The following MYO9B variants were observed in gnomAD, a reference collection of about 807,000 sequenced individuals.
The protein encoded by MYO9B is myosin IXB.
MYO9B carries 71 observed loss-of-function variants against 229.5 expected under a neutral mutation model. The ratio of observed to expected loss-of-function variants is 0.31; its 90% CI spans 0.26 to 0.38. MYO9B has a LOEUF of 0.38. Among genes scored for constraint, MYO9B ranks in the 10% least tolerant of loss-of-function variants. The pLI, the probability that MYO9B is intolerant of heterozygous loss-of-function variation, is 1.00. For missense variants in MYO9B, 2,255 were observed against 2,920.5 expected (o/e 0.77, Z 5.25); for synonymous variants, 1,185 against 1,235.8 (o/e 0.96, Z 0.86).
intron 2 of MYO9B, among the ~76,000 whole-genome samples, chr19:17,107,465 C>T (rs530338742): frequency 7.2e-5 from 11 of 152,148 alleles, no homozygotes; most frequent in Non-Finnish European, 1.6e-4. Context: ...GCCTCCACAG[C>T]GCCATCTCAC....
chr19:17,156,284 C>A (rs1483064038), intron 6 of MYO9B, among the ~76,000 whole-genome samples: 2 of 152,038 alleles, frequency 1.3e-5, no homozygotes, highest in African/African-American at 4.8e-5. Context: ...CATGGTGGTA[C>A]AAACCTGTAG....
In MYO9B at chr19:17,206,017, G is replaced by A. The variant is rs200219863; in HGVS notation, c.5122G>A (p.Asp1708Asn). Reference protein sequence around the residue: ...FGVCVDSLTSDKASVPIVLEK... With the variant: ...FGVCVDSLTSNKASVPIVLEK... ...CGTGTGCGTAGACAGCCTGACCAGC[G>A]ACAAGGCCTCGGTGCCCATCGTGCT... Residue 1708 changes from aspartate to asparagine, a missense_variant, in exon 32 of 40, where the codon GAC becomes AAC. Physicochemically the swap from Asp to Asn is conservative, Grantham distance 23. Around this residue, in one of 7 missense-constraint regions of MYO9B, gnomAD observed 416 missense variants for 605.5 expected, o/e 0.69. Coordinates refer to ENST00000682292, the MANE Select transcript of MYO9B (RefSeq NM_004145.4). 4.4e-6 allele frequency: 7 copies of A among 1,606,416 alleles called. No individual in the cohort carries two copies. The highest frequency in any genetic ancestry group is 2.2e-5 in the East Asian group (1 of 44,686).
At chr19:17,150,607 C>T (rs1013002068) in intron 3 of MYO9B, among the ~76,000 whole-genome samples, 1 of 99,240 alleles carries the variant, frequency 1.0e-5, no homozygotes, top group Non-Finnish European at 2.8e-5. Flanking sequence ...TGTGATAGAC[C>T]GGCCCCACCA....
At chr19:17,119,946 C>T (rs547505260) in intron 2 of MYO9B, among the ~76,000 whole-genome samples, 20 of 152,286 alleles carry the variant, frequency 1.3e-4, no homozygotes, top group African/African-American at 4.6e-4. Context: ...TTGCGCCCGG[C>T]CAAGCTCGGG....
rs1046733841 is a variant in MYO9B, at chr19:17,205,075, C to A, written c.4991-188C>A. On this transcript the variant is annotated intron_variant, in intron 30 of 39. Coordinates refer to ENST00000682292, the MANE Select transcript of MYO9B (RefSeq NM_004145.4). ...CCGAGGCAGGAGAATCACTTGAACC[C>A]GGGAGGCGGAGGTTGCAGTGAGCCG... 4.0e-5 allele frequency among the ~76,000 whole-genome samples: 6 copies of A among 151,262 alleles called. 1 individual carries two copies. Among genetic ancestry groups the A allele is most frequent in the Admixed American group, 4.0e-4 (6 of 15,148 alleles).
intron 8 of MYO9B, among the ~76,000 whole-genome samples, chr19:17,160,970 A>G (rs891145006): frequency 6.7e-6 from 1 of 150,236 alleles, no homozygotes; most frequent in Non-Finnish European, 1.5e-5. Context: ...AAATGCTGGG[A>G]TTACAGGCGT....
In MYO9B at chr19:17,211,710, C is replaced by G. The variant is rs766710845; in HGVS notation, c.5994C>G (p.Asp1998Glu). The G allele has an allele frequency of 2.5e-6, 4 of 1,612,338 alleles. No homozygotes were observed. The African/African-American group carries it at 5.4e-5, about 22-fold the overall frequency. Reference sequence around the variant, plus strand: ...GGGGCTCGGACGAGGAGAACCTGGACTCGGAGACGTCGGCCAGCACCGAGA... The same window carrying G: ...GGGGCTCGGACGAGGAGAACCTGGAGTCGGAGACGTCGGCCAGCACCGAGA... ...DPRGSDEENL[D>E]SETSASTESL... is the part of the protein sequence containing the mutation. The change falls in exon 39 of 40, where the codon GAC becomes GAG. Residue 1998 changes from aspartate (D) to glutamate (E), a missense_variant. This residue lies in a region of MYO9B where 331 missense variants were observed against 332.5 expected (regional missense o/e 1.00). Transcript: ENST00000682292.
In MYO9B at chr19:17,198,324, G is replaced by A. The variant is rs960566764; in HGVS notation, c.4238+16G>A. On this transcript the variant is annotated intron_variant, in intron 24 of 39. Transcript: ENST00000682292. ...TCGACTCTAAGTAAGTATTGGGCTTGGGGGAAACTCAGGCCACCAGAGGAT... is the reference window on the plus strand; with the variant it reads ...TCGACTCTAAGTAAGTATTGGGCTTAGGGGAAACTCAGGCCACCAGAGGAT... 1.2e-6 allele frequency: 2 copies of A among 1,612,666 alleles called. No individual in the cohort carries two copies. Among genetic ancestry groups the A allele is most frequent in the African/African-American group, 1.3e-5 (1 of 74,914 alleles).
Position 17,163,030 on chromosome 19 carries a change from T to G in MYO9B, c.1579T>G (p.Phe527Val). Residue 527 changes from phenylalanine to valine, a missense_variant, in exon 10 of 40, where the codon TTC becomes GTC. Coordinates refer to ENST00000682292, the MANE Select transcript of MYO9B (RefSeq NM_004145.4). ...GVLDIFGFED[F>V]ERNSFEQFCI... is the part of the protein sequence containing the mutation. ...CCTGGACATCTTCGGGTTTGAAGAC[T>G]TCGAGAGGAACAGCTTTGAGCAGTT... 6.2e-7 allele frequency: 1 copy of G among 1,607,806 alleles called. No individual in the cohort carries two copies. The highest frequency in any genetic ancestry group is 8.5e-7 in the Non-Finnish European group (1 of 1,177,136).
intron 20 of MYO9B, 57 bp downstream of exon 20, chr19:17,191,276 A>G: frequency 1.3e-6 from 2 of 1,561,454 alleles, no homozygotes; most frequent in East Asian, 4.7e-5. Flanking sequence ...TCCACCGCAC[A>G]CCGTGTCTCC....
chr19:17,195,439 C>T lies in MYO9B; in HGVS notation c.4012C>T (p.His1338Tyr), dbSNP rs111482705. 383 of 1,605,006 alleles carry T rather than the reference C, an allele frequency of 2.4e-4. No individual in the cohort carries two copies. In the African/African-American group the frequency reaches 4.3e-3, roughly 18 times the overall value. ...CCAGTCCCTGGACCTCAGCGACAGA[C>T]ACCGGGCCACAGGGGCCGCCCTCAC... ...LSQSLDLSDR[H>Y]RATGAALTPT... Residue 1338 changes from histidine to tyrosine, a missense_variant, in exon 22 of 40, where the codon CAC becomes TAC. By Grantham distance (83) the His-to-Tyr change is moderately conservative (BLOSUM62 2). This residue lies in a region of MYO9B where 679 missense variants were observed against 770.2 expected (regional missense o/e 0.88). Coordinates refer to ENST00000682292, the MANE Select transcript of MYO9B (RefSeq NM_004145.4). The surrounding 1 kb of genome is among the most constrained non-coding windows in gnomAD (Gnocchi z 4.5).
rs538799213 is a variant in MYO9B, at chr19:17,130,225, C to T, written c.841-15172C>T. ...GTGGCTCACACCTGTAATCCCAGCA[C>T]TTTGGGAGGCTGAGGCGGGTGAATC... On this transcript the variant is annotated intron_variant, in intron 2 of 39. Coordinates refer to ENST00000682292, the MANE Select transcript of MYO9B (RefSeq NM_004145.4). Among the ~76,000 whole-genome samples the T allele has an allele frequency of 6.6e-5, 10 of 152,182 alleles. 1 individual carries two copies. The highest frequency in any genetic ancestry group is 2.4e-4 in the African/African-American group (10 of 41,556).
In MYO9B at chr19:17,172,923, G is replaced by T; in HGVS notation, c.2100G>T (p.Glu700Asp). The T allele has an allele frequency of 6.3e-7, 1 of 1,599,796 alleles. No homozygotes were observed. The highest frequency in any genetic ancestry group is 8.5e-7 in the Non-Finnish European group (1 of 1,179,614). Residue 700 changes from glutamate to aspartate, a missense_variant, in exon 13 of 40, where the codon GAG becomes GAT. Physicochemically the swap from Glu to Asp is conservative, Grantham distance 45 (BLOSUM62 2). Transcript: ENST00000682292. The surrounding 1 kb of genome is among the most constrained non-coding windows in gnomAD (Gnocchi z 8.2). ...TCCGGGCCATGGCAGTGCTTCGGGA[G>T]GCCGGACGCCTGCGGGCCGAGAGGG... ...AAIRAMAVLR[E>D]AGRLRAERAE...
At chr19:17,160,389 G>A (rs1343780586) in intron 8 of MYO9B, among the ~76,000 whole-genome samples, 2 of 152,100 alleles carry the variant, frequency 1.3e-5, no homozygotes, top group South Asian at 2.1e-4. Context: ...TGCAAAACGA[G>A]GGGGACACAT....
chr19:17,076,635 C>G (rs1225138695), intron 1 of MYO9B, among the ~76,000 whole-genome samples: 1 of 152,084 alleles, frequency 6.6e-6, no homozygotes, highest in African/African-American at 2.4e-5. Context: ...CACTTAACAG[C>G]TGGGTGACCT....
At chr19:17,124,759 C>CAAAA (rs35063637) in intron 2 of MYO9B, among the ~76,000 whole-genome samples, 1 of 79,162 alleles carries the variant, frequency 1.3e-5, no homozygotes, top group African/African-American at 4.5e-5. Flanking sequence ...GACTCTGTCT[C>CAAAA]AAAAAAAAAA....
At chr19:17,200,226 A>G (rs1202816952) in intron 24 of MYO9B, 67 bp from the exon 25 acceptor site, 38 of 1,551,524 alleles carry the variant, frequency 2.4e-5, no homozygotes, top group Admixed American at 9.8e-5. Context: ...GTCCAGTCAC[A>G]GGGAGGCTGG....
chr19:17,122,439 TG>T (rs529928445), intron 2 of MYO9B, among the ~76,000 whole-genome samples: 39 of 152,160 alleles, frequency 2.6e-4, no homozygotes, highest in African/African-American at 9.2e-4. Flanking sequence ...CTCAGGAGGC[TG>T]AGGCAGGAGA....
At chr19:17,175,277 A>G (rs1357702404) in intron 13 of MYO9B, among the ~76,000 whole-genome samples, 3 of 126,256 alleles carry the variant, frequency 2.4e-5, no homozygotes, top group Non-Finnish European at 4.8e-5. Context: ...TTGGTAAAAA[A>G]TTAAAAAAAA....
Sources: gnomAD v4.1 joint callset for allele counts (sites outside exome capture counted in the v4.1 genomes callset) on GRCh38, gnomAD v4.1.1 for gene constraint, gnomAD v4.1.1 regional missense constraint, Gnocchi (gnomAD v3.1) non-coding constraint, MANE v1.5 for transcripts, NCBI Gene and HGNC (gene_info 2026-07-23, HGNC 2026-07-21) for gene names.